RPSA2: variants seen among roughly 807,000 people sequenced by gnomAD.
RPSA2 encodes ribosomal protein SA 2, also known as small ribosomal subunit protein uS2B.
chr19:23,792,220 A>G, the RPSA2 span, among the ~76,000 whole-genome samples: 1 of 152,352 alleles, frequency 6.6e-6, no homozygotes, highest in African/African-American at 2.4e-5. Flanking sequence ...TAACTCTGAC[A>G]TGGAAATTAA....
the RPSA2 span, among the ~76,000 whole-genome samples, chr19:23,821,814 C>A: frequency 6.6e-6 from 1 of 152,228 alleles, no homozygotes; most frequent in Non-Finnish European, 1.5e-5. Context: ...CCCATGTGAA[C>A]ATTCGCGTCC....
At chr19:23,784,925 T>G in the RPSA2 span, among the ~76,000 whole-genome samples, 1 of 152,234 alleles carries the variant, frequency 6.6e-6, no homozygotes, top group African/African-American at 2.4e-5. Context: ...TTGTTACTCA[T>G]GTACTTAGAC....
the RPSA2 span, among the ~76,000 whole-genome samples, chr19:23,838,339 A>G: frequency 6.6e-6 from 1 of 152,074 alleles, no homozygotes; most frequent in Admixed American, 6.6e-5. Flanking sequence ...TGGTAAGCTA[A>G]TATTTTGTTA....
At chr19:23,816,436 T>C in the RPSA2 span, among the ~76,000 whole-genome samples, 1 of 152,200 alleles carries the variant, frequency 6.6e-6, no homozygotes, top group African/African-American at 2.4e-5. Flanking sequence ...AGTAATTTAA[T>C]TTATATTTAA....
the RPSA2 span, among the ~76,000 whole-genome samples, chr19:23,802,062 T>A: frequency 2.6e-5 from 4 of 152,206 alleles, no homozygotes; most frequent in Non-Finnish European, 5.9e-5. Context: ...GACTTTAGAT[T>A]GAGAATGTAC....
the RPSA2 span, among the ~76,000 whole-genome samples, chr19:23,855,032 A>C: frequency 6.6e-6 from 1 of 152,170 alleles, no homozygotes; most frequent in Non-Finnish European, 1.5e-5. Flanking sequence ...ATCAGGATAT[A>C]ATTCATTGTG....
chr19:23,786,232 T>G, the RPSA2 span, among the ~76,000 whole-genome samples: 1 of 152,228 alleles, frequency 6.6e-6, no homozygotes, highest in Non-Finnish European at 1.5e-5. Flanking sequence ...AGTACTGTAC[T>G]TAGACCCAAC....
chr19:23,863,259 A>G, the RPSA2 span, among the ~76,000 whole-genome samples: 1 of 152,190 alleles, frequency 6.6e-6, no homozygotes, highest in Admixed American at 6.5e-5. Flanking sequence ...AACTTAGAAG[A>G]GTATTTAAAA....
the RPSA2 span, chr19:23,781,989 T>G: frequency 6.5e-6 from 1 of 154,788 alleles, no homozygotes; most frequent in Non-Finnish European, 1.4e-5. Context: ...GGTTTGAGTC[T>G]CCTCTTCTGC....
the RPSA2 span, among the ~76,000 whole-genome samples, chr19:23,784,747 A>G: frequency 6.6e-6 from 1 of 152,202 alleles, no homozygotes; most frequent in African/African-American, 2.4e-5. Flanking sequence ...AATCTCAAAT[A>G]TGGAGTCTGT....
chr19:23,842,285 C>A, the RPSA2 span, among the ~76,000 whole-genome samples: 1 of 152,160 alleles, frequency 6.6e-6, no homozygotes, highest in African/African-American at 2.4e-5. Context: ...ACTGTATATA[C>A]TTGTGTTTAT....
the RPSA2 span, among the ~76,000 whole-genome samples, chr19:23,785,296 T>C: frequency 3.3e-5 from 5 of 152,148 alleles, no homozygotes; most frequent in Admixed American, 6.5e-5. Flanking sequence ...TTGCTTTTTT[T>C]CCCTAAGCCC....
the RPSA2 span, among the ~76,000 whole-genome samples, chr19:23,803,612 G>A: frequency 0.019 from 5 of 262 alleles, 2 homozygotes; most frequent in African/African-American, 0.019. Flanking sequence ...AGTGACAGCC[G>A]GGCGCGGTGG....
the RPSA2 span, among the ~76,000 whole-genome samples, chr19:23,865,712 G>T: frequency 6.6e-6 from 1 of 152,140 alleles, no homozygotes; most frequent in East Asian, 1.9e-4. Flanking sequence ...AACAAATTTT[G>T]CATGCTGCTG....
chr19:23,802,335 AAGCT>A, the RPSA2 span, among the ~76,000 whole-genome samples: 1 of 152,162 alleles, frequency 6.6e-6, no homozygotes, highest in African/African-American at 2.4e-5. Context: ...TATTGTCCAA[AAGCT>A]AGCTAATCAG....
chr19:23,858,041 A>G, the RPSA2 span, among the ~76,000 whole-genome samples: 2 of 151,884 alleles, frequency 1.3e-5, no homozygotes, highest in Admixed American at 6.6e-5. Context: ...GCATAGAATC[A>G]TTTGGCTTTA....
At chr19:23,832,300 C>T in the RPSA2 span, 121 of 464,814 alleles carry the variant, frequency 2.6e-4, 1 homozygote, top group South Asian at 2.0e-3. Flanking sequence ...TAGAGGGAAA[C>T]ATTACAAGTG....
At chr19:23,807,597 CA>C in the RPSA2 span, among the ~76,000 whole-genome samples, 3 of 152,138 alleles carry the variant, frequency 2.0e-5, no homozygotes, top group Non-Finnish European at 4.4e-5. Context: ...ATCATCCAGA[CA>C]AGTATCATAT....
At chr19:23,759,522 G>GTTTTTTTTTTTTTTTTTT in the RPSA2 span, among the ~76,000 whole-genome samples, 6 of 89,034 alleles carry the variant, frequency 6.7e-5, 1 homozygote, top group Non-Finnish European at 9.9e-5. Flanking sequence ...TATATATCAG[G>GTTTTTTTTTTTTTTTTTT]TTTTTTTTTT....
Sources: gnomAD v4.1 joint callset for allele counts (sites outside exome capture counted in the v4.1 genomes callset) on GRCh38, gnomAD v4.1.1 for gene constraint, MANE v1.5 for transcripts, NCBI Gene and HGNC (gene_info 2026-07-23, HGNC 2026-07-21) for gene names.